Variants in BCLAF1 observed in about 807,000 individuals in gnomAD.
BCLAF1 encodes the protein BCL2 associated transcription factor 1.
Under a neutral mutation model 99.5 loss-of-function variants are expected in BCLAF1, and 10 were observed. That is an observed-to-expected ratio of 0.10 (90% CI 0.06 to 0.17). The LOEUF is 0.17. BCLAF1 is among the 10% of genes least tolerant of loss of function. BCLAF1 has a pLI of 1.00. For synonymous variants in BCLAF1, 255 were observed against 370.9 expected (o/e 0.69, Z 3.59); for missense variants, 636 against 1,105.8 (o/e 0.58, Z 6.02).
chr6:136,279,187 T>C (rs1299494525), intron 3 of BCLAF1, among the ~76,000 whole-genome samples: 1 of 152,122 alleles, frequency 6.6e-6, no homozygotes, highest in Non-Finnish European at 1.5e-5. Flanking sequence ...GAGATACTAT[T>C]AATTAAATAC....
Position 136,260,927 on chromosome 6 carries a change from C to A in BCLAF1, c.*183G>T, listed in dbSNP as rs534080602. 2 of 579,764 alleles carry A rather than the reference C, an allele frequency of 3.4e-6. No homozygotes were observed. Among genetic ancestry groups the A allele is most frequent in the East Asian group, 6.4e-5 (2 of 31,336 alleles). 35.9% of individuals were successfully genotyped at this position (579,764 alleles called of 1,614,324 possible). A position where few individuals can be genotyped will look rare whatever the true frequency, so the allele number is the denominator to read the frequency against. On this transcript the variant is annotated 3_prime_UTR_variant, in exon 13 of 13. Transcript: ENST00000531224. The stretch of plus-strand genomic sequence containing the variant: ...AACAATTTTCTACTTTATTTCAGTA[C>A]AATTTTCAACATACAGTCTACTATT...
intron 1 of BCLAF1, among the ~76,000 whole-genome samples, chr6:136,288,814 A>G (rs1186744143): frequency 2.0e-5 from 3 of 152,232 alleles, no homozygotes; most frequent in African/African-American, 7.2e-5. Context: ...TTCTCACACC[A>G]GCTGTCCACC....
intron 1 of BCLAF1, among the ~76,000 whole-genome samples, chr6:136,283,493 T>A (rs1784653571): frequency 6.6e-6 from 1 of 152,174 alleles, no homozygotes; most frequent in Admixed American, 6.5e-5. Context: ...TAAATAAACT[T>A]TGCACAAAAT....
intron 1 of BCLAF1, among the ~76,000 whole-genome samples, chr6:136,286,034 G>C (rs967883515): frequency 1.3e-5 from 2 of 152,150 alleles, no homozygotes; most frequent in African/African-American, 2.4e-5. Flanking sequence ...AGGAGGCGGA[G>C]GTTGCAGTGA....
chr6:136,271,479 C>A (rs1411463461), intron 8 of BCLAF1, among the ~76,000 whole-genome samples: 1 of 151,878 alleles, frequency 6.6e-6, no homozygotes, highest in African/African-American at 2.4e-5. Context: ...GACATTCCCC[C>A]AATCCCCAAA....
chr6:136,273,982 G>A, intron 6 of BCLAF1: 1 of 1,227,058 alleles, frequency 8.1e-7, no homozygotes, highest in Non-Finnish European at 1.0e-6. Context: ...TCCAGCACAT[G>A]TCTCATAACC....
rs1315105555 is a variant in BCLAF1 at position 136,276,434 on chromosome 6, T to C, written c.1091A>G (p.Lys364Arg). Residue 364 changes from lysine (K) to arginine (R), a missense_variant, in exon 5 of 13, where the codon AAA becomes AGA. Physicochemically the swap from Lys to Arg is conservative, Grantham distance 26. Coordinates refer to ENST00000531224, the MANE Select transcript of BCLAF1 (RefSeq NM_014739.3). ...NTRDKEASKE[K>R]GSEKGRAEGE... is the part of the protein sequence containing the mutation. ...CTCTGCCCTCCCTTTCTCTGATCCTTTCTCTTTTGAAGCCTCTTTATCCCT... is the reference window on the plus strand; with the variant it reads ...CTCTGCCCTCCCTTTCTCTGATCCTCTCTCTTTTGAAGCCTCTTTATCCCT... 1 of 1,535,354 alleles carries C rather than the reference T, an allele frequency of 6.5e-7. No individual in the cohort carries two copies. The highest frequency in any genetic ancestry group is 8.7e-7 in the Non-Finnish European group (1 of 1,151,918).
intron 1 of BCLAF1, among the ~76,000 whole-genome samples, chr6:136,283,977 T>C (rs1486690020): frequency 6.6e-6 from 1 of 151,916 alleles, no homozygotes; most frequent in Admixed American, 6.6e-5. Context: ...TCTTCTAAAC[T>C]GGAGTACTGT....
intron 10 of BCLAF1, among the ~76,000 whole-genome samples, 166 bp from the exon 11 acceptor site, chr6:136,267,341 A>G (rs1035172844): frequency 7.2e-5 from 11 of 152,032 alleles, no homozygotes; most frequent in Admixed American, 4.6e-4. Flanking sequence ...ATAGGCAAAA[A>G]ATTTCTGCCA....
At chr6:136,277,261 G>C (rs1457315235) in intron 4 of BCLAF1, among the ~76,000 whole-genome samples, 1 of 152,208 alleles carries the variant, frequency 6.6e-6, no homozygotes, top group African/African-American at 2.4e-5. Flanking sequence ...TAGTCAGGCT[G>C]AAATCATTAA....
Position 136,277,994 on chromosome 6 carries a change from G to C in BCLAF1, c.887C>G (p.Pro296Arg). The C allele has an allele frequency of 6.2e-7, 1 of 1,605,934 alleles. No homozygotes were observed. Among genetic ancestry groups the C allele is most frequent in the East Asian group, 2.2e-5 (1 of 44,578 alleles). ...TGTCTTTGCAGGACTTCTTCGTGAA[G>C]GGATGTGATGAATTGGACTATTCTG... ...PSQNSPIHHI[P>R]SRRSPAKTIA... is the part of the protein sequence containing the mutation. Residue 296 changes from proline (P) to arginine (R), a missense_variant, in exon 4 of 13, where the codon CCT becomes CGT. Physicochemically the swap from Pro to Arg is moderately radical, Grantham distance 103. Transcript: ENST00000531224.
chr6:136,271,803 A>G (rs1323848059), intron 8 of BCLAF1, 192 bp downstream of exon 8: 5 of 393,590 alleles, frequency 1.3e-5, no homozygotes, highest in Non-Finnish European at 2.3e-5. Context: ...CTCTTGGTTT[A>G]AATTTAAGAC....
chr6:136,264,148 C>T (rs1445166273), intron 11 of BCLAF1, among the ~76,000 whole-genome samples: 1 of 152,146 alleles, frequency 6.6e-6, no homozygotes, highest in Non-Finnish European at 1.5e-5. Flanking sequence ...ACATACAGAA[C>T]ACTCAGAACA....
chr6:136,271,977 T>C lies in BCLAF1; in HGVS notation c.2043+18A>G, dbSNP rs1782603641. 1.3e-6 allele frequency: 2 copies of C among 1,565,156 alleles called. No individual in the cohort carries two copies. Among genetic ancestry groups the C allele is most frequent in the Non-Finnish European group, 1.8e-6 (2 of 1,141,938 alleles). ...AAGCTGAACTTAACACGAAAAAAAA[T>C]TACATTCAAAAACATACCTTTTGAT... is the stretch of plus-strand genomic sequence containing the variant. On this transcript the variant is annotated intron_variant, in intron 8 of 12. Coordinates refer to ENST00000531224, the MANE Select transcript of BCLAF1 (RefSeq NM_014739.3).
chr6:136,268,064 A>G, intron 10 of BCLAF1, 98 bp downstream of exon 10: 1 of 1,132,946 alleles, frequency 8.8e-7, no homozygotes, highest in Non-Finnish European at 1.2e-6. Context: ...GAATAATGAC[A>G]CACATAACAA....
chr6:136,288,413 C>T (rs2128495500), intron 1 of BCLAF1, among the ~76,000 whole-genome samples: 1 of 152,328 alleles, frequency 6.6e-6, no homozygotes, highest in East Asian at 1.9e-4. Context: ...AACAAAAATA[C>T]AAAAGCCTTG....
intron 8 of BCLAF1, 132 bp from the exon 9 acceptor site, chr6:136,269,744 A>G (rs1303369926): frequency 1.0e-5 from 6 of 594,762 alleles, no homozygotes; most frequent in Non-Finnish European, 1.6e-5. Context: ...TGAATCATAT[A>G]AGATACTATC....
chr6:136,269,203 G>A, intron 9 of BCLAF1: 1 of 1,418,120 alleles, frequency 7.1e-7, no homozygotes, highest in Non-Finnish European at 9.2e-7. Flanking sequence ...CTGGATAATA[G>A]GACACATTAA....
chr6:136,274,564 G>A (rs1380669809), intron 6 of BCLAF1, among the ~76,000 whole-genome samples: 1 of 151,936 alleles, frequency 6.6e-6, no homozygotes, highest in African/African-American at 2.4e-5. Context: ...TCACTGTTCT[G>A]ATGTATCAAC....
Sources: allele counts gnomAD v4.1 joint callset (sites outside exome capture counted in the v4.1 genomes callset), GRCh38; gene constraint gnomAD v4.1.1; transcripts MANE v1.5; gene names NCBI Gene and HGNC (gene_info 2026-07-23, HGNC 2026-07-21).